IMPG2: variants seen among roughly 807,000 people sequenced by gnomAD.
IMPG2 encodes interphotoreceptor matrix proteoglycan 2, also known as IPM 200.
Under a neutral mutation model 129.2 loss-of-function variants are expected in IMPG2, and 91 were observed. The observed-to-expected ratio is 0.70, with a 90% CI of 0.59 to 0.84. IMPG2 has a LOEUF of 0.84. Among genes scored for constraint, IMPG2 ranks in the 40% least tolerant of loss-of-function variants. The pLI, the probability that IMPG2 is intolerant of heterozygous loss-of-function variation, is 0.00. For missense variants in IMPG2, 1,430 were observed against 1,461.7 expected (o/e 0.98, Z 0.35); for synonymous variants, 510 against 517.7 (o/e 0.99, Z 0.20).
At position 101,229,012 on chromosome 3, in the gene IMPG2, G is replaced by T. The variant is rs943318071; in HGVS notation, c.3634-136C>A. The T allele has an allele frequency of 1.2e-5, 8 of 694,058 alleles. No individual in the cohort carries two copies. In the African/African-American group the frequency reaches 1.3e-4, roughly 11 times the overall value. 43.0% of individuals were successfully genotyped at this position (694,058 alleles called of 1,614,324 possible). On this transcript the variant is annotated intron_variant, in intron 17 of 18. Coordinates refer to ENST00000193391, the MANE Select transcript of IMPG2 (RefSeq NM_016247.4). ...AAGTATGCTATAAGAAAGAAGTGCA[G>T]GAGTGTGCACTTTCAGAGAAATGGA...
In IMPG2 at chr3:101,243,667, A is replaced by T; in HGVS notation, c.2664T>A (p.Asp888Glu). Reference sequence around the variant, plus strand: ...CTGAAGTCTGGGTATAACTCAAGTCATCTCCTCCTTCTGTGGGCCAAGCCA... The same window carrying T: ...CTGAAGTCTGGGTATAACTCAAGTCTTCTCCTCCTTCTGTGGGCCAAGCCA... Reference protein sequence around the residue: ...VSVAWPTEGGDDLSYTQTSGA... With the variant: ...VSVAWPTEGGEDLSYTQTSGA... Residue 888 changes from aspartate (D) to glutamate (E), a missense_variant, in exon 13 of 19, where the codon GAT becomes GAA. Asp to Glu is a conservative substitution (Grantham distance 45, BLOSUM62 2). Transcript: ENST00000193391. 6.2e-7 allele frequency: 1 copy of T among 1,614,082 alleles called. No individual in the cohort carries two copies. Among genetic ancestry groups the T allele is most frequent in the African/African-American group, 1.3e-5 (1 of 75,030 alleles).
At chr3:101,293,384 A>C (rs1333688887) in intron 3 of IMPG2, among the ~76,000 whole-genome samples, 1 of 152,182 alleles carries the variant, frequency 6.6e-6, no homozygotes, top group Non-Finnish European at 1.5e-5. Context: ...AAGCAGTGAT[A>C]CTTGGAAAAA....
Position 101,276,717 on chromosome 3 carries a change from G to A in IMPG2, c.534-4C>T. 3 of 1,590,080 alleles carry A rather than the reference G, an allele frequency of 1.9e-6. No homozygotes were observed. The highest frequency in any genetic ancestry group is 2.6e-6 in the Non-Finnish European group (3 of 1,161,766). ...AACTGGAGAAGACAGTTCAGAGCTAGAAAAAAAAATGTTTGCAGTTAATAA... is the reference window on the plus strand; with the variant it reads ...AACTGGAGAAGACAGTTCAGAGCTAAAAAAAAAAATGTTTGCAGTTAATAA... On this transcript the variant is annotated splice_polypyrimidine_tract_variant and splice_region_variant and intron_variant, in intron 4 of 18. Coordinates refer to ENST00000193391, the MANE Select transcript of IMPG2 (RefSeq NM_016247.4).
At chr3:101,237,207 G>A (rs1360461613) in intron 14 of IMPG2, among the ~76,000 whole-genome samples, 1 of 152,188 alleles carries the variant, frequency 6.6e-6, no homozygotes, top group Admixed American at 6.5e-5. Context: ...AAGAATGGCA[G>A]CAGCCCCAGT....
intron 9 of IMPG2, among the ~76,000 whole-genome samples, chr3:101,266,250 C>T (rs1305376915): frequency 1.3e-5 from 2 of 152,144 alleles, no homozygotes; most frequent in Non-Finnish European, 2.9e-5. Flanking sequence ...TATCCACACA[C>T]CCATGTTTAT....
intron 9 of IMPG2, among the ~76,000 whole-genome samples, chr3:101,264,284 C>G (rs1005147410): frequency 6.6e-6 from 1 of 151,974 alleles, no homozygotes; most frequent in African/African-American, 2.4e-5. Context: ...CTGATGAACA[C>G]AGATGTAAAA....
intron 8 of IMPG2, among the ~76,000 whole-genome samples, chr3:101,269,021 G>A (rs1267098297): frequency 6.6e-6 from 1 of 152,190 alleles, no homozygotes; most frequent in African/African-American, 2.4e-5. Context: ...TTCAGTAAAT[G>A]TTCACAAGTG....
At chr3:101,246,381 A>G (rs1169037691) in intron 11 of IMPG2, among the ~76,000 whole-genome samples, 1 of 151,852 alleles carries the variant, frequency 6.6e-6, no homozygotes, top group Non-Finnish European at 1.5e-5. Context: ...TGAATTTGTG[A>G]GAGAAAATTT....
chr3:101,229,006 A>G lies in IMPG2; in HGVS notation c.3634-130T>C, dbSNP rs1056833899. ...ATTCAGAAGTATGCTATAAGAAAGA[A>G]GTGCAGGAGTGTGCACTTTCAGAGA... On this transcript the variant is annotated intron_variant, in intron 17 of 18. Coordinates refer to ENST00000193391, the MANE Select transcript of IMPG2 (RefSeq NM_016247.4). The G allele has an allele frequency of 4.2e-6, 3 of 707,242 alleles. No homozygotes were observed. In the African/African-American group the frequency reaches 5.3e-5, roughly 13 times the overall value. 43.8% of individuals were successfully genotyped at this position (707,242 alleles called of 1,614,324 possible).
intron 10 of IMPG2, among the ~76,000 whole-genome samples, chr3:101,256,212 A>G (rs186184121): frequency 6.9e-6 from 1 of 144,596 alleles, no homozygotes; most frequent in Non-Finnish European, 1.5e-5. Context: ...AAAGAAAGAA[A>G]GAAAGAAAAA....
chr3:101,228,960 G>A, intron 17 of IMPG2, 84 bp from the exon 18 acceptor site: 1 of 994,294 alleles, frequency 1.0e-6, no homozygotes, highest in East Asian at 2.4e-5. Context: ...ATTTTCATAA[G>A]GAATTGTTAC....
intron 3 of IMPG2, among the ~76,000 whole-genome samples, chr3:101,302,554 C>G (rs1050505853): frequency 2.0e-5 from 3 of 152,112 alleles, no homozygotes; most frequent in African/African-American, 7.2e-5. Flanking sequence ...TCCATCATAT[C>G]TGGTTTTATG....
At chr3:101,303,871 A>T (rs1405795400) in intron 3 of IMPG2, among the ~76,000 whole-genome samples, 16 of 152,186 alleles carry the variant, frequency 1.1e-4, no homozygotes, top group Non-Finnish European at 1.5e-4. Context: ...AAATATTTAC[A>T]TCTATAAACA....
At chr3:101,249,489 G>T (rs1706520876) in intron 11 of IMPG2, among the ~76,000 whole-genome samples, 1 of 151,820 alleles carries the variant, frequency 6.6e-6, no homozygotes, top group Non-Finnish European at 1.5e-5. Context: ...TAAAAATCTG[G>T]AAAGGGAAAA....
At chr3:101,266,843 AT>A (rs1427768858) in intron 9 of IMPG2, among the ~76,000 whole-genome samples, 1 of 152,048 alleles carries the variant, frequency 6.6e-6, no homozygotes, top group East Asian at 1.9e-4. Flanking sequence ...AGTTTGAATC[AT>A]TTCTGGAGGT....
intron 14 of IMPG2, among the ~76,000 whole-genome samples, chr3:101,237,509 G>T: frequency 6.6e-6 from 1 of 152,272 alleles, no homozygotes. Context: ...GACAAAGCTT[G>T]CAGAGGAAGG....
chr3:101,274,481 G>A (rs1339723652), intron 6 of IMPG2, among the ~76,000 whole-genome samples: 6 of 152,176 alleles, frequency 3.9e-5, no homozygotes, highest in East Asian at 3.9e-4. Flanking sequence ...ACTGAAATAC[G>A]GTATATAATT....
intron 9 of IMPG2, among the ~76,000 whole-genome samples, chr3:101,265,827 A>G (rs1185425895): frequency 6.6e-6 from 1 of 152,182 alleles, no homozygotes; most frequent in African/African-American, 2.4e-5. Context: ...TATCCAGAAT[A>G]TAGAAGAAAC....
chr3:101,313,701 T>C (rs2058768215), intron 2 of IMPG2, among the ~76,000 whole-genome samples: 1 of 152,110 alleles, frequency 6.6e-6, no homozygotes. Flanking sequence ...TATTTTCCTT[T>C]CAGAATTGTG....
Sources: allele counts gnomAD v4.1 joint callset (sites outside exome capture counted in the v4.1 genomes callset), GRCh38; gene constraint gnomAD v4.1.1; transcripts MANE v1.5; gene names NCBI Gene and HGNC (gene_info 2026-07-23, HGNC 2026-07-21).